Variants in RNF121 observed in about 807,000 individuals in gnomAD.
RNF121 encodes E3 ubiquitin ligase RNF121.
In RNF121, 21 loss-of-function variants were observed where a neutral mutation model predicts 46.5. The observed-to-expected ratio is 0.45, with a 90% CI of 0.32 to 0.65. The LOEUF (loss-of-function observed/expected upper bound fraction) is 0.65. Ranked by LOEUF, RNF121 falls within the 30% of genes least tolerant of loss-of-function variation. The pLI, the probability that RNF121 is intolerant of heterozygous loss-of-function variation, is 0.04. For synonymous variants in RNF121, 139 were observed against 144.7 expected (o/e 0.96, Z 0.28); for missense variants, 346 against 416.0 (o/e 0.83, Z 1.46).
At chr11:71,960,329 A>G (rs1488064152) in intron 2 of RNF121, among the ~76,000 whole-genome samples, 1 of 152,236 alleles carries the variant, frequency 6.6e-6, no homozygotes, top group East Asian at 1.9e-4. Flanking sequence ...TACTGCTGTC[A>G]TAAATATTGG....
intron 3 of RNF121, among the ~76,000 whole-genome samples, chr11:71,980,136 G>A (rs1235779521): frequency 2.0e-5 from 3 of 152,032 alleles, no homozygotes; most frequent in Non-Finnish European, 4.4e-5. Flanking sequence ...CACTTTTTAT[G>A]TAAGGTCAGA....
chr11:71,947,962 G>T (rs1416016167), intron 1 of RNF121, among the ~76,000 whole-genome samples: 2 of 152,208 alleles, frequency 1.3e-5, no homozygotes, highest in Non-Finnish European at 2.9e-5. Context: ...CACATGAACT[G>T]TATGGGCTGT....
intron 2 of RNF121, among the ~76,000 whole-genome samples, chr11:71,958,642 C>G (rs1049414046): frequency 6.6e-6 from 1 of 151,906 alleles, no homozygotes; most frequent in Non-Finnish European, 1.5e-5. Flanking sequence ...AGGAGGATCC[C>G]TTGAGCCCAG....
chr11:71,936,153 G>T (rs967342640), intron 1 of RNF121, among the ~76,000 whole-genome samples: 4 of 151,936 alleles, frequency 2.6e-5, no homozygotes, highest in African/African-American at 4.8e-5. Flanking sequence ...AAACTGCTGC[G>T]CCTGGCCTAT....
At chr11:71,941,099 G>T (rs1953556609) in intron 1 of RNF121, among the ~76,000 whole-genome samples, 1 of 152,220 alleles carries the variant, frequency 6.6e-6, no homozygotes, top group Admixed American at 6.5e-5. Context: ...TTGAGCAGGG[G>T]AGTAATGTGT....
In RNF121 at chr11:71,929,129, G is replaced by A; in HGVS notation, c.63+5G>A. The A allele has an allele frequency of 6.4e-7, 1 of 1,551,274 alleles. No individual in the cohort carries two copies. The stretch of plus-strand genomic sequence containing the variant: ...GGGGAACGGGAGCTGGATGAGGTAA[G>A]CGGAGTTGAGAGACGAGGAGAGACT... On this transcript the variant is annotated splice_donor_5th_base_variant and intron_variant, in intron 1 of 8. Coordinates refer to ENST00000361756, the MANE Select transcript of RNF121 (RefSeq NM_018320.5).
In RNF121 at chr11:71,996,469, TGATGGAGAGCCAGCCAGTGG is replaced by T. The variant is rs1421584929; in HGVS notation, c.*156_*175del. 1.5e-3 allele frequency: 1,207 copies of T among 819,888 alleles called. 1 individual carries two copies. Among genetic ancestry groups the T allele is most frequent in the Non-Finnish European group, 1.7e-3 (899 of 540,206 alleles). 50.8% of individuals were successfully genotyped at this position (819,888 alleles called of 1,614,324 possible). A position where few individuals can be genotyped will look rare whatever the true frequency, so the allele number is the denominator to read the frequency against. The stretch of plus-strand genomic sequence containing the variant: ...GGCTGTGTCGGACTGGGGAGGGATA[TGATGGAGAGCCAGCCAGTGG>T]GGCTGTCAGCAGTGGGGGGCTTTTT... On this transcript the variant is annotated 3_prime_UTR_variant, in exon 9 of 9. Coordinates refer to ENST00000361756, the MANE Select transcript of RNF121 (RefSeq NM_018320.5).
intron 1 of RNF121, among the ~76,000 whole-genome samples, chr11:71,955,576 AAAC>A (rs764828103): frequency 1.3e-5 from 2 of 152,186 alleles, no homozygotes; most frequent in Admixed American, 6.5e-5. Context: ...GATAAGAAAC[AAAC>A]AACAACAACA....
At chr11:71,957,001 C>T (rs1031805862) in intron 1 of RNF121, among the ~76,000 whole-genome samples, 2 of 152,190 alleles carry the variant, frequency 1.3e-5, no homozygotes, top group Admixed American at 1.3e-4. Context: ...GCCCTTATTG[C>T]CTAGCACAGA....
At chr11:71,941,281 AGCTATAAAAAT>A (rs1460357261) in intron 1 of RNF121, among the ~76,000 whole-genome samples, 2 of 152,248 alleles carry the variant, frequency 1.3e-5, no homozygotes, top group Non-Finnish European at 2.9e-5. Flanking sequence ...AGAAGTGAGC[AGCTATAAAAAT>A]GTTAAATAGC....
At chr11:71,973,023 C>A (rs1437100051) in intron 3 of RNF121, among the ~76,000 whole-genome samples, 1 of 151,982 alleles carries the variant, frequency 6.6e-6, no homozygotes, top group Non-Finnish European at 1.5e-5. Flanking sequence ...CTTGTCTCTA[C>A]TAAAAATACA....
intron 1 of RNF121, among the ~76,000 whole-genome samples, chr11:71,933,066 G>A (rs1194764827): frequency 6.6e-6 from 1 of 152,180 alleles, no homozygotes; most frequent in Non-Finnish European, 1.5e-5. Context: ...TAAGATGTGG[G>A]TACCAGTTAG....
At chr11:71,959,619 T>A (rs114164129) in intron 2 of RNF121, among the ~76,000 whole-genome samples, 222 of 151,854 alleles carry the variant, frequency 1.5e-3, no homozygotes, top group African/African-American at 5.2e-3. Flanking sequence ...TAATTCCTTC[T>A]CTTCTCTCTC....
chr11:71,971,173 T>TAG (rs1349015270), intron 3 of RNF121, among the ~76,000 whole-genome samples: 1 of 152,046 alleles, frequency 6.6e-6, no homozygotes, highest in Non-Finnish European at 1.5e-5. Flanking sequence ...CACTTGAGCC[T>TAG]AGAGGTTCAA....
chr11:71,983,027 T>C (rs1954695804), intron 4 of RNF121, 112 bp downstream of exon 4: 1 of 1,063,198 alleles, frequency 9.4e-7, no homozygotes, highest in South Asian at 2.6e-5. Flanking sequence ...TCTGCCAAAA[T>C]TATTTGGCAT....
intron 5 of RNF121, among the ~76,000 whole-genome samples, chr11:71,990,330 A>G (rs569308842): frequency 3.3e-5 from 5 of 152,314 alleles, no homozygotes; most frequent in Middle Eastern, 6.8e-3. Flanking sequence ...TAGGGGAGGC[A>G]AGGACTAAGA....
chr11:71,947,483 CA>C (rs35167855), intron 1 of RNF121, among the ~76,000 whole-genome samples: 18 of 145,386 alleles, frequency 1.2e-4, no homozygotes, highest in Non-Finnish European at 9.0e-5. Context: ...AGACCTGTCT[CA>C]AAAAAAAAAA....
chr11:71,982,966 T>G, intron 4 of RNF121, 51 bp downstream of exon 4: 2 of 1,529,538 alleles, frequency 1.3e-6, no homozygotes, highest in Non-Finnish European at 8.8e-7. Context: ...GCTAATGGGT[T>G]GGAATGCATG....
intron 1 of RNF121, among the ~76,000 whole-genome samples, chr11:71,946,646 G>C (rs975733686): frequency 1.3e-5 from 2 of 150,120 alleles, no homozygotes; most frequent in African/African-American, 4.9e-5. Flanking sequence ...ATGAGCATGA[G>C]GTTTTTTTTT....
Sources: gnomAD v4.1 joint callset for allele counts (sites outside exome capture counted in the v4.1 genomes callset) on GRCh38, gnomAD v4.1.1 for gene constraint, MANE v1.5 for transcripts, NCBI Gene and HGNC (gene_info 2026-07-23, HGNC 2026-07-21) for gene names.